The following MAN2A1 variants were observed in gnomAD, a reference collection of about 807,000 sequenced individuals.
The protein encoded by MAN2A1 is mannosidase alpha class 2A member 1.
MAN2A1 carries 76 observed loss-of-function variants against 142.6 expected under a neutral mutation model. The ratio of observed to expected loss-of-function variants is 0.53; its 90% CI spans 0.44 to 0.65. MAN2A1 has a LOEUF of 0.65. MAN2A1 is among the 30% of genes least tolerant of loss of function. MAN2A1 has a pLI of 0.00. For missense variants in MAN2A1, 1,311 were observed against 1,365.1 expected, an observed-to-expected ratio of 0.96 and a Z score of 0.62; for synonymous variants, 559 against 473.2, an observed-to-expected ratio of 1.18 and a Z score of -2.35.
At chr5:109,714,008 G>T (rs1751382334) in intron 2 of MAN2A1, among the ~76,000 whole-genome samples, 1 of 151,914 alleles carries the variant, frequency 6.6e-6, no homozygotes, top group Non-Finnish European at 1.5e-5. Context: ...CGTGAATACA[G>T]TCTTTTTGTA....
At chr5:109,706,525 G>A (rs1393305230) in intron 1 of MAN2A1, among the ~76,000 whole-genome samples, 1 of 152,166 alleles carries the variant, frequency 6.6e-6, no homozygotes, top group African/African-American at 2.4e-5. Flanking sequence ...AGATCACATG[G>A]CCAATAAGTG....
intron 1 of MAN2A1, among the ~76,000 whole-genome samples, chr5:109,699,273 A>G (rs2112541943): frequency 6.6e-6 from 1 of 152,210 alleles, no homozygotes; most frequent in East Asian, 1.9e-4. Flanking sequence ...CATACCTTAT[A>G]TCATCTACAT....
intron 16 of MAN2A1, among the ~76,000 whole-genome samples, chr5:109,829,115 G>T (rs1032056308): frequency 2.0e-5 from 3 of 152,162 alleles, no homozygotes; most frequent in African/African-American, 7.2e-5. Flanking sequence ...TGTAAGCAAT[G>T]AATCCAGCTA....
At chr5:109,705,881 C>G (rs1238144881) in intron 1 of MAN2A1, among the ~76,000 whole-genome samples, 1 of 152,162 alleles carries the variant, frequency 6.6e-6, no homozygotes, top group Non-Finnish European at 1.5e-5. Context: ...CTCACATCTC[C>G]CTCTCTGGCC....
intron 2 of MAN2A1, among the ~76,000 whole-genome samples, chr5:109,714,876 C>G (rs1411786699): frequency 1.3e-5 from 2 of 151,390 alleles, no homozygotes; most frequent in African/African-American, 4.9e-5. Flanking sequence ...CTGATAGGAT[C>G]AGAATCCTGT....
intron 21 of MAN2A1, among the ~76,000 whole-genome samples, chr5:109,866,388 A>T (rs531613087): frequency 1.3e-5 from 2 of 151,962 alleles, no homozygotes; most frequent in South Asian, 4.1e-4. Flanking sequence ...CTCTCTCTTA[A>T]CTCTGTTGGA....
chr5:109,716,134 C>T lies in MAN2A1; in HGVS notation c.405C>T (p.Tyr135=). The change falls in exon 3 of 22, where the codon TAC becomes TAT. Residue 135 remains tyrosine, a synonymous_variant. Coordinates refer to ENST00000261483, the MANE Select transcript of MAN2A1 (RefSeq NM_002372.4). ...TACATTTTTAGATGTTGGATGTTTA[C>T]AGTCTAATTTCTTTTGACAATCCAG... ...HNSDVQMLDV[Y]SLISFDNPDG... 3.1e-6 allele frequency: 5 copies of T among 1,602,292 alleles called. No individual in the cohort carries two copies. The highest frequency in any genetic ancestry group is 4.3e-6 in the Non-Finnish European group (5 of 1,173,764).
At chr5:109,697,953 A>G (rs1582796704) in intron 1 of MAN2A1, among the ~76,000 whole-genome samples, 1 of 152,330 alleles carries the variant, frequency 6.6e-6, no homozygotes. Context: ...TTGATGCTAG[A>G]GCATCGACAT....
At chr5:109,755,247 C>T (rs1035091931) in intron 4 of MAN2A1, 82 bp from the exon 5 acceptor site, 6 of 1,094,190 alleles carry the variant, frequency 5.5e-6, no homozygotes, top group Non-Finnish European at 8.2e-6. Flanking sequence ...AAAGGCTGTT[C>T]TTAATGTTTA....
chr5:109,817,250 T>C (rs1754487844), intron 12 of MAN2A1, 23 bp from the exon 13 acceptor site: 4 of 1,608,574 alleles, frequency 2.5e-6, no homozygotes, highest in Admixed American at 1.7e-5. Flanking sequence ...GAGATCCCAA[T>C]AATGAAGCAG....
intron 4 of MAN2A1, among the ~76,000 whole-genome samples, chr5:109,732,920 G>A (rs1197162331): frequency 6.6e-6 from 1 of 151,496 alleles, no homozygotes; most frequent in African/African-American, 2.4e-5. Context: ...GTAGCTTGAT[G>A]GGGATGGCAT....
At chr5:109,757,250 G>A (rs1349119100) in intron 5 of MAN2A1, among the ~76,000 whole-genome samples, 1 of 151,962 alleles carries the variant, frequency 6.6e-6, no homozygotes, top group Non-Finnish European at 1.5e-5. Context: ...TTAAATACTT[G>A]ATATGCTAAC....
In MAN2A1 at chr5:109,788,953, G is replaced by C; in HGVS notation, c.1780G>C (p.Val594Leu). 1 of 1,580,350 alleles carries C rather than the reference G, an allele frequency of 6.3e-7. No homozygotes were observed. Among genetic ancestry groups the C allele is most frequent in the Non-Finnish European group, 8.7e-7 (1 of 1,151,888 alleles). ...TTACAGACTTTTTCATTCGTTAATGGTTTTGGAGAAGATAATTGGAAATTC... is the reference window on the plus strand; with the variant it reads ...TTACAGACTTTTTCATTCGTTAATGCTTTTGGAGAAGATAATTGGAAATTC... ...YGTRLFHSLM[V>L]LEKIIGNSAF... The change falls in exon 11 of 22, where the codon GTT (valine) becomes CTT (leucine). Residue 594 changes from valine to leucine, a missense_variant. Transcript: ENST00000261483.
chr5:109,832,724 G>GCC (rs1441806798), intron 16 of MAN2A1, among the ~76,000 whole-genome samples: 2 of 150,612 alleles, frequency 1.3e-5, no homozygotes, highest in Admixed American at 1.3e-4. Context: ...GGGCAGAGGG[G>GCC]CCCCCCCACT....
At chr5:109,827,593 C>A (rs1264228387) in intron 16 of MAN2A1, among the ~76,000 whole-genome samples, 1 of 152,152 alleles carries the variant, frequency 6.6e-6, no homozygotes, top group East Asian at 1.9e-4. Context: ...ACTTTTGTTT[C>A]TCTATCTGCA....
At chr5:109,738,573 A>G (rs1424197679) in intron 4 of MAN2A1, among the ~76,000 whole-genome samples, 3 of 152,128 alleles carry the variant, frequency 2.0e-5, no homozygotes, top group Non-Finnish European at 2.9e-5. Context: ...GCCAAGTCCC[A>G]TCTACTGTGT....
chr5:109,799,613 G>A (rs1463268393), intron 12 of MAN2A1, among the ~76,000 whole-genome samples: 5 of 151,894 alleles, frequency 3.3e-5, no homozygotes, highest in Non-Finnish European at 5.9e-5. Context: ...AATTAGCTGC[G>A]CATGGTGGCG....
chr5:109,823,763 A>G lies in MAN2A1; in HGVS notation c.2492A>G (p.His831Arg), dbSNP rs201126763. The part of the protein sequence containing the change: ...YTTPPFVRVT[H>R]GRIYSEVTCF... ...ACACCGCCCTTTGTCAGAGTGACAC[A>G]TGGAAGGATTTATTCGGAAGTGACT... Residue 831 changes from histidine (H) to arginine (R), a missense_variant, in exon 16 of 22, where the codon CAT becomes CGT. Transcript: ENST00000261483. The G allele has an allele frequency of 5.6e-6, 9 of 1,609,888 alleles. No individual in the cohort carries two copies. In the East Asian group the frequency reaches 1.3e-4, roughly 24 times the overall value.
intron 7 of MAN2A1, among the ~76,000 whole-genome samples, chr5:109,773,754 A>G (rs1396542136): frequency 2.6e-5 from 4 of 152,186 alleles, no homozygotes; most frequent in Non-Finnish European, 5.9e-5. Context: ...TTAAATGTTT[A>G]TAATTTTTAT....
Sources: allele counts gnomAD v4.1 joint callset (sites outside exome capture counted in the v4.1 genomes callset), GRCh38; gene constraint gnomAD v4.1.1; transcripts MANE v1.5; gene names NCBI Gene and HGNC (gene_info 2026-07-23, HGNC 2026-07-21).